DAB1: variants seen among roughly 807,000 people sequenced by gnomAD.
DAB1 encodes the protein disabled homolog 1.
DAB1 carries 15 observed loss-of-function variants against 64.6 expected under a neutral mutation model. That is an observed-to-expected ratio of 0.23 (90% CI 0.16 to 0.36). The LOEUF (loss-of-function observed/expected upper bound fraction) is 0.36, where lower values mean the gene tolerates loss of function less well. Ranked by LOEUF, DAB1 falls within the 10% of genes least tolerant of loss-of-function variation. The pLI, the probability that DAB1 is intolerant of heterozygous loss-of-function variation, is 1.00. For missense variants in DAB1, 596 were observed against 706.7 expected, an observed-to-expected ratio of 0.84 and a Z score of 1.78; for synonymous variants, 235 against 251.9, an observed-to-expected ratio of 0.93 and a Z score of 0.64.
chr1:58,123,876 G>A (rs940618192), intron 5 of DAB1, among the ~76,000 whole-genome samples: 3 of 152,156 alleles, frequency 2.0e-5, no homozygotes, highest in Non-Finnish European at 2.9e-5. Context: ...TTATATATGT[G>A]AGAGGAAGAC....
chr1:57,279,372 T>G (rs1277816844), intron 2 of DAB1, among the ~76,000 whole-genome samples: 3 of 152,172 alleles, frequency 2.0e-5, no homozygotes, highest in Non-Finnish European at 4.4e-5. Flanking sequence ...ATTTTAAAAT[T>G]TGTATTATTT....
At chr1:58,510,376 C>A (rs190704137) in intron 2 of DAB1, among the ~76,000 whole-genome samples, 10 of 152,148 alleles carry the variant, frequency 6.6e-5, no homozygotes, top group Non-Finnish European at 1.2e-4. Flanking sequence ...TAAAAAAACA[C>A]ATGATCATCT....
chr1:57,710,649 T>TG (rs201910442), intron 6 of DAB1, among the ~76,000 whole-genome samples: 46 of 151,430 alleles, frequency 3.0e-4, no homozygotes, highest in South Asian at 2.5e-3. Flanking sequence ...CTGTTTTTTT[T>TG]GGGGGGGGGA....
chr1:57,519,426 G>C (rs1158328619), intron 7 of DAB1, among the ~76,000 whole-genome samples: 19 of 152,136 alleles, frequency 1.2e-4, no homozygotes, highest in Admixed American at 1.2e-3. Context: ...ATGTGCCAGG[G>C]CCTATAATTC....
intron 4 of DAB1, among the ~76,000 whole-genome samples, chr1:58,175,313 C>T (rs1437133035): frequency 3.3e-5 from 5 of 152,154 alleles, no homozygotes; most frequent in African/African-American, 9.7e-5. Flanking sequence ...AGCGAGACCA[C>T]GAACCCACCG....
At chr1:58,060,798 G>A (rs538459623) in intron 5 of DAB1, among the ~76,000 whole-genome samples, 1 of 152,356 alleles carries the variant, frequency 6.6e-6, no homozygotes, top group African/African-American at 2.4e-5. Context: ...ATTAGCCCGA[G>A]CAGTGTCTTC....
intron 3 of DAB1, among the ~76,000 whole-genome samples, chr1:58,410,097 A>G (rs1024730961): frequency 2.6e-5 from 4 of 152,156 alleles, no homozygotes; most frequent in Non-Finnish European, 5.9e-5. Flanking sequence ...CCTTTATCCC[A>G]GAGCAAGAGT....
chr1:57,265,829 C>T (rs1364433391), intron 2 of DAB1, among the ~76,000 whole-genome samples: 6 of 152,132 alleles, frequency 3.9e-5, no homozygotes, highest in Non-Finnish European at 7.3e-5. Flanking sequence ...AGCAATAGGT[C>T]CCAGGTGGTA....
chr1:58,433,549 G>T (rs1454493449), intron 3 of DAB1, among the ~76,000 whole-genome samples: 1 of 149,378 alleles, frequency 6.7e-6, no homozygotes, highest in African/African-American at 2.5e-5. Context: ...AGGCTGAAGG[G>T]CAAGAGAGTC....
At chr1:57,423,014 C>T (rs1285144208) in intron 1 of DAB1, among the ~76,000 whole-genome samples, 1 of 151,994 alleles carries the variant, frequency 6.6e-6, no homozygotes, top group African/African-American at 2.4e-5. Context: ...TTTGTACACT[C>T]ACCCAGTGGC....
intron 5 of DAB1, among the ~76,000 whole-genome samples, chr1:57,922,482 T>C (rs1471569559): frequency 6.6e-6 from 1 of 151,754 alleles, no homozygotes; most frequent in African/African-American, 2.4e-5. Context: ...CTGAACAGAG[T>C]ACACAGCTTG....
intron 4 of DAB1, among the ~76,000 whole-genome samples, chr1:58,248,877 A>G (rs947069438): frequency 1.3e-5 from 2 of 151,974 alleles, no homozygotes; most frequent in Non-Finnish European, 2.9e-5. Context: ...TTTAATAACC[A>G]CTGTATTTAA....
At chr1:57,265,220 C>T (rs1490997874) in intron 2 of DAB1, among the ~76,000 whole-genome samples, 1 of 152,202 alleles carries the variant, frequency 6.6e-6, no homozygotes, top group South Asian at 2.1e-4. Context: ...ATCTCTCAAA[C>T]CCTTCTCTCT....
intron 5 of DAB1, among the ~76,000 whole-genome samples, chr1:57,993,221 T>C (rs1646374389): frequency 6.6e-6 from 1 of 152,180 alleles, no homozygotes; most frequent in South Asian, 2.1e-4. Context: ...TGCATGGGTA[T>C]TTCAGAGAGG....
intron 4 of DAB1, among the ~76,000 whole-genome samples, chr1:58,296,739 T>G (rs1035828797): frequency 6.6e-6 from 1 of 152,166 alleles, no homozygotes; most frequent in Non-Finnish European, 1.5e-5. Flanking sequence ...TAGCCTTTAA[T>G]GGAAGGCAGA....
intron 7 of DAB1, among the ~76,000 whole-genome samples, chr1:57,440,426 G>A (rs868240491): frequency 1.4e-4 from 22 of 152,282 alleles, no homozygotes; most frequent in Admixed American, 2.6e-4. Flanking sequence ...AGCACCTTTC[G>A]AAGAGATGGG....
rs397863684 is a variant in DAB1, at chr1:57,000,040, C to CTT, written c.*16-1914_*16-1913dup. On this transcript the variant is annotated intron_variant, in intron 14 of 14. Transcript: ENST00000371236. ...GTTACCACTTGCCAGTTCCTTCTGC[C>CTT]TTTTTTTTTTTTTTTTTTTTTGAGA... is the stretch of plus-strand genomic sequence containing the variant. 1.6e-3 allele frequency among the ~76,000 whole-genome samples: 185 copies of CTT among 112,446 alleles called. 1 individual carries two copies. Among genetic ancestry groups the CTT allele is most frequent in the Non-Finnish European group, 2.1e-3 (116 of 55,226 alleles). The allele number at this position is 112,446 out of a possible 152,430, so 73.8% of individuals were successfully genotyped here. A position where few individuals can be genotyped will look rare whatever the true frequency, so the allele number is the denominator to read the frequency against.
chr1:58,333,580 C>A (rs907890357), intron 4 of DAB1, among the ~76,000 whole-genome samples: 1 of 152,236 alleles, frequency 6.6e-6, no homozygotes, highest in Non-Finnish European at 1.5e-5. Flanking sequence ...TAATTTCTTG[C>A]TCACCAGGGC....
At chr1:57,088,711 C>T (rs1653340713) in intron 4 of DAB1, among the ~76,000 whole-genome samples, 1 of 152,208 alleles carries the variant, frequency 6.6e-6, no homozygotes, top group African/African-American at 2.4e-5. Flanking sequence ...TGAAACAGCC[C>T]AGTCACCTCT....
Sources: allele counts gnomAD v4.1 joint callset (sites outside exome capture counted in the v4.1 genomes callset), GRCh38; gene constraint gnomAD v4.1.1; transcripts MANE v1.5; gene names NCBI Gene and HGNC (gene_info 2026-07-23, HGNC 2026-07-21).